The following ADGRD2 variants were observed in gnomAD, a reference collection of about 807,000 sequenced individuals.
The protein encoded by ADGRD2 is adhesion G protein-coupled receptor D2, also known as G protein-coupled receptor PGR24.
In ADGRD2, 71 loss-of-function variants were observed where a neutral mutation model predicts 44.4. The ratio of observed to expected loss-of-function variants is 1.60; its 90% CI spans 1.32 to 1.95. The LOEUF (loss-of-function observed/expected upper bound fraction) is 1.95, where lower values mean the gene tolerates loss of function less well. Among genes scored for constraint, ADGRD2 ranks in the 30% most tolerant of loss-of-function variants. The pLI is 0.00. For missense variants in ADGRD2, 1,039 were observed against 512.4 expected (o/e 2.03, Z -9.92); for synonymous variants, 481 against 224.8 (o/e 2.14, Z -10.19).
intron 17 of ADGRD2, among the ~76,000 whole-genome samples, chr9:124,472,454 TTGTTTTTTGTTTG>T (rs1831963824): frequency 4.7e-5 from 1 of 21,412 alleles, no homozygotes; most frequent in African/African-American, 3.0e-4. Flanking sequence ...GTTTGTTTGT[TTGTTTTTTGTTTG>T]TTTTTTGTTT....
chr9:124,454,944 TCC>T lies in ADGRD2; in HGVS notation c.1213_1214del (p.Leu406GlyfsTer52). ...AGCATGTCCTGGCGATGGAGATGGC[TCC>T]CCTGGGGCCGGCCGCACTGCTGGCT... On this transcript the variant is annotated frameshift_variant, in exon 6 of 22. Coordinates refer to ENST00000334810, the Ensembl canonical transcript of ADGRD2. LOFTEE classifies it high-confidence loss of function. The surrounding 1 kb of genome is among the most constrained non-coding windows in gnomAD (Gnocchi z 4.5). 2.8e-6 allele frequency: 2 copies of T among 717,650 alleles called. No individual in the cohort carries two copies. The highest frequency in any genetic ancestry group is 5.2e-6 in the Non-Finnish European group (2 of 385,086). The allele number at this position is 717,650 out of a possible 1,614,324, so 44.5% of individuals were successfully genotyped here.
Position 124,467,798 on chromosome 9 carries a change from C to CACCT in ADGRD2, c.2105_2108dup (p.Phe704TyrfsTer43), listed in dbSNP as rs771234790. The CACCT allele has an allele frequency of 4.7e-5, 34 of 718,424 alleles. No individual in the cohort carries two copies. The highest frequency in any genetic ancestry group is 7.8e-6 in the Non-Finnish European group (3 of 385,100). 44.5% of individuals were successfully genotyped at this position (718,424 alleles called of 1,614,324 possible). A position where few individuals can be genotyped will look rare whatever the true frequency, so the allele number is the denominator to read the frequency against. The stretch of plus-strand genomic sequence containing the variant: ...GCGTGTCCTTCTGCGCCCTCACCAC[C>CACCT]ACCTTCTTGCTCTTCCTGGTGGCCG... On this transcript the variant is annotated frameshift_variant, in exon 12 of 22. Transcript: ENST00000334810. LOFTEE classifies it high-confidence loss of function.
At chr9:124,460,770 T>C (rs1435894790) in intron 10 of ADGRD2, among the ~76,000 whole-genome samples, 2 of 152,152 alleles carry the variant, frequency 1.3e-5, no homozygotes, top group African/African-American at 2.4e-5. Context: ...TGAACACTCA[T>C]ATACAAGTCT....
intron 17 of ADGRD2, among the ~76,000 whole-genome samples, chr9:124,472,965 T>C (rs1474105976): frequency 6.6e-6 from 1 of 152,130 alleles, no homozygotes; most frequent in African/African-American, 2.4e-5. Flanking sequence ...AGGAGTGGGG[T>C]CTGGGCCCCG....
At chr9:124,453,578 C>A (rs1486430175) in exon 3 of ADGRD2, 3 of 699,304 alleles carry the variant, frequency 4.3e-6, no homozygotes, top group Non-Finnish European at 7.8e-6. Context: ...CGGGCCTGCG[C>A]GCCGCCCTCA....
chr9:124,451,632 C>A, upstream of ADGRD2: 1 of 270,826 alleles, frequency 3.7e-6, no homozygotes, highest in Non-Finnish European at 7.2e-6. Context: ...TGCCTGTGAC[C>A]CCTGCTGTCT....
At chr9:124,469,503 G>C in exon 16 of ADGRD2, 1 of 718,152 alleles carries the variant, frequency 1.4e-6, no homozygotes, top group Non-Finnish European at 2.6e-6. Context: ...CCCGCATGTT[G>C]AGCCCACAGC....
chr9:124,452,008 AC>A, upstream of ADGRD2: 2 of 130,776 alleles, frequency 1.5e-5, no homozygotes, highest in South Asian at 9.5e-5. Flanking sequence ...CCCCCCTCCC[AC>A]CCACCCCCAG....
At chr9:124,458,685 C>A in exon 10 of ADGRD2, 1 of 718,664 alleles carries the variant, frequency 1.4e-6, no homozygotes, top group Non-Finnish European at 2.6e-6. Flanking sequence ...GAGAGGTCAA[C>A]GTGGCCATGA....
At chr9:124,452,888 C>T (rs59108500) in intron 2 of ADGRD2, 147 bp from the exon 6 acceptor site, 297,150 of 604,554 alleles carry the variant, frequency 0.49, 74,125 homozygotes, top group Admixed American at 0.59. Context: ...GACTCTTGGG[C>T]AGGGGAACTC....
intron 20 of ADGRD2, 48 bp downstream of exon 23, chr9:124,476,463 G>A: frequency 1.5e-6 from 1 of 682,990 alleles, no homozygotes; most frequent in Non-Finnish European, 2.7e-6. Context: ...CAGGGGGCTG[G>A]CAAAGCCAGC....
intron 17 of ADGRD2, among the ~76,000 whole-genome samples, chr9:124,473,436 G>A (rs1183322004): frequency 6.6e-6 from 1 of 152,206 alleles, no homozygotes; most frequent in African/African-American, 2.4e-5. Context: ...TAACCAAAGG[G>A]GATCAGATTC....
At chr9:124,452,330 T>G in intron 1 of ADGRD2, 176 bp downstream of exon 4, 1 of 640,594 alleles carries the variant, frequency 1.6e-6, no homozygotes, top group Non-Finnish European at 2.9e-6. Context: ...ATTCCTGCCA[T>G]TGCGCAGATG....
exon 9 of ADGRD2, chr9:124,458,114 C>A (rs1319424505): frequency 1.4e-6 from 1 of 718,470 alleles, no homozygotes. Context: ...CTCAGCCAGG[C>A]CTCTCTGGAG....
exon 15 of ADGRD2, chr9:124,469,266 C>T: frequency 7.0e-6 from 5 of 717,534 alleles, no homozygotes; most frequent in Non-Finnish European, 1.3e-5. Flanking sequence ...CATGCTCCCC[C>T]ATGACTACGT....
At chr9:124,452,795 G>A in intron 2 of ADGRD2, 73 bp downstream of exon 5, 1 of 665,700 alleles carries the variant, frequency 1.5e-6, no homozygotes, top group Non-Finnish European at 2.8e-6. Context: ...GGAGCCCACA[G>A]TGACAATATT....
chr9:124,467,204 G>A (rs531896339), intron 11 of ADGRD2: 14 of 154,138 alleles, frequency 9.1e-5, no homozygotes, highest in East Asian at 5.8e-4. Context: ...ATGGTGGCCC[G>A]TGCCTGTGGT....
At chr9:124,478,101 C>T (rs1023904228) in intron 21 of ADGRD2, among the ~76,000 whole-genome samples, 180 bp from the exon 25 acceptor site, 1 of 152,194 alleles carries the variant, frequency 6.6e-6, no homozygotes, top group Non-Finnish European at 1.5e-5. Context: ...CGCCACCGCC[C>T]CTCCTGAAAG....
chr9:124,454,078 C>G lies in ADGRD2; in HGVS notation c.1005C>G (p.Phe335Leu). The G allele has an allele frequency of 1.4e-6, 1 of 711,398 alleles. No individual in the cohort carries two copies. The highest frequency in any genetic ancestry group is 2.7e-5 in the East Asian group (1 of 37,230). The allele number at this position is 711,398 out of a possible 1,614,324, so 44.1% of individuals were successfully genotyped here. A position where few individuals can be genotyped will look rare whatever the true frequency, so the allele number is the denominator to read the frequency against. Residue 335 changes from phenylalanine (F) to leucine (L), a missense_variant, in exon 4 of 22, where the codon TTC becomes TTG. By Grantham distance (22) the Phe-to-Leu change is conservative. Transcript: ENST00000334810. This position sits in a 1 kb window ranked among gnomAD's most constrained non-coding sequence, Gnocchi z 4.5. ...AGCTCTGCCTGGAGCCGCAGCCCTT[C>G]CTCTGCTGCTACCGGACAGGTGCGC...
Sources: gnomAD v4.1 joint callset for allele counts (sites outside exome capture counted in the v4.1 genomes callset) on GRCh38, gnomAD v4.1.1 for gene constraint, Gnocchi (gnomAD v3.1) non-coding constraint, MANE v1.5 for transcripts, NCBI Gene and HGNC (gene_info 2026-07-23, HGNC 2026-07-21) for gene names.